The following ADK variants were observed in gnomAD, a reference collection of about 807,000 sequenced individuals.
ADK encodes the protein adenosine kinase, also known as N6,N6-dimethyladenosine kinase.
A neutral mutation model predicts 44.7 loss-of-function variants in ADK; 24 were observed. That is an observed-to-expected ratio of 0.54 (90% CI 0.39 to 0.76). ADK has a LOEUF of 0.76. Among genes scored for constraint, ADK ranks in the 30% least tolerant of loss-of-function variants. ADK has a pLI of 0.00. For synonymous variants in ADK, 128 were observed against 142.6 expected (o/e 0.90, Z 0.73); for missense variants, 321 against 425.1 (o/e 0.76, Z 2.15).
chr10:74,174,084 C>T (rs1229107828), intron 1 of ADK, among the ~76,000 whole-genome samples: 1 of 151,498 alleles, frequency 6.6e-6, no homozygotes, highest in Non-Finnish European at 1.5e-5. Flanking sequence ...GGGCGGATCA[C>T]TTGAGGTCAG....
At chr10:74,246,764 G>A (rs1477122502) in intron 3 of ADK, among the ~76,000 whole-genome samples, 1 of 152,100 alleles carries the variant, frequency 6.6e-6, no homozygotes, top group African/African-American at 2.4e-5. Context: ...TTCTTTTGGA[G>A]CCTAGTGTAG....
chr10:74,424,574 C>G (rs1174161653), intron 6 of ADK, among the ~76,000 whole-genome samples: 1 of 146,494 alleles, frequency 6.8e-6, no homozygotes, highest in South Asian at 2.1e-4. Context: ...AAAAATTCCC[C>G]TGCCTCTCTC....
chr10:74,321,144 A>G (rs984217480), intron 4 of ADK, among the ~76,000 whole-genome samples: 6 of 152,208 alleles, frequency 3.9e-5, no homozygotes, highest in African/African-American at 2.4e-5. Flanking sequence ...TATTTTAAAA[A>G]TGCCATCTTG....
At chr10:74,474,504 T>TCCTTCCCTTC (rs1306075492) in intron 6 of ADK, among the ~76,000 whole-genome samples, 1 of 151,708 alleles carries the variant, frequency 6.6e-6, no homozygotes, top group African/African-American at 2.4e-5. Flanking sequence ...TCCTCTCCTT[T>TCCTTCCCTTC]CCTTCCCTTC....
At chr10:74,349,197 C>G (rs1185845105) in intron 4 of ADK, among the ~76,000 whole-genome samples, 3 of 152,218 alleles carry the variant, frequency 2.0e-5, no homozygotes, top group Non-Finnish European at 2.9e-5. Flanking sequence ...GGAAGCCCAT[C>G]AGACCAATAG....
intron 4 of ADK, among the ~76,000 whole-genome samples, chr10:74,373,986 G>A (rs370387252): frequency 1.1e-3 from 162 of 152,176 alleles, no homozygotes; most frequent in Middle Eastern, 3.4e-3. Context: ...CTACAACATG[G>A]GCAAATTTTG....
intron 6 of ADK, among the ~76,000 whole-genome samples, chr10:74,408,268 C>T (rs1454924714): frequency 1.3e-5 from 2 of 151,826 alleles, no homozygotes; most frequent in Non-Finnish European, 2.9e-5. Context: ...GCTGGTATTA[C>T]AGGCATGAGC....
At chr10:74,424,258 G>T (rs1232234110) in intron 6 of ADK, among the ~76,000 whole-genome samples, 2 of 152,092 alleles carry the variant, frequency 1.3e-5, no homozygotes, top group Non-Finnish European at 2.9e-5. Context: ...ATAAAATATG[G>T]CCGGGCATGG....
chr10:74,423,896 G>A (rs1052291689), intron 6 of ADK: 1 of 225,708 alleles, frequency 4.4e-6, no homozygotes, highest in Non-Finnish European at 9.2e-6. Context: ...ATGCTCTCCT[G>A]GTACTCTTGA....
chr10:74,696,576 T>C (rs1394168837), intron 10 of ADK, among the ~76,000 whole-genome samples: 1 of 151,626 alleles, frequency 6.6e-6, no homozygotes, highest in African/African-American at 2.4e-5. Flanking sequence ...TTCACCATGT[T>C]AGCCAGGATG....
chr10:74,453,675 CTATAG>C (rs1377333642), intron 6 of ADK, among the ~76,000 whole-genome samples: 1 of 151,866 alleles, frequency 6.6e-6, no homozygotes, highest in Non-Finnish European at 1.5e-5. Flanking sequence ...CTATAAAATT[CTATAG>C]TAAAGGATTG....
chr10:74,690,541 C>T (rs1348501020), intron 10 of ADK, among the ~76,000 whole-genome samples: 2 of 152,136 alleles, frequency 1.3e-5, no homozygotes, highest in African/African-American at 4.8e-5. Flanking sequence ...ACGATATGTC[C>T]CCATTTTGTC....
intron 6 of ADK, among the ~76,000 whole-genome samples, chr10:74,406,505 AAATAAT>A (rs150030020): frequency 0.07 from 9,358 of 133,828 alleles, 413 homozygotes; most frequent in East Asian, 0.21. Flanking sequence ...ACTCCGATTA[AAATAAT>A]AATAATAATA....
Position 74,708,774 on chromosome 10 carries a change from A to C in ADK, c.*329A>C. The C allele has an allele frequency of 4.0e-6, 1 of 247,692 alleles. No homozygotes were observed. 15.3% of individuals were successfully genotyped at this position (247,692 alleles called of 1,614,324 possible). A position where few individuals can be genotyped will look rare whatever the true frequency, so the allele number is the denominator to read the frequency against. ...TTAGTACACTGATTTGTTTTTTTAC[A>C]TTTCTGCTTTGAATGCAGATGCAAT... On this transcript the variant is annotated 3_prime_UTR_variant, in exon 11 of 11. Transcript: ENST00000539909.
At chr10:74,285,407 CAT>C (rs1421070883) in intron 3 of ADK, among the ~76,000 whole-genome samples, 1 of 152,148 alleles carries the variant, frequency 6.6e-6, no homozygotes, top group African/African-American at 2.4e-5. Context: ...TTAGGCAACA[CAT>C]ATACTAAAGT....
chr10:74,701,691 T>A (rs914594206), intron 10 of ADK, among the ~76,000 whole-genome samples: 2 of 152,242 alleles, frequency 1.3e-5, no homozygotes, highest in African/African-American at 4.8e-5. Flanking sequence ...ACACCTGTAA[T>A]CCCAGCACTT....
chr10:74,372,347 G>A (rs1401450083), intron 4 of ADK: 6 of 745,692 alleles, frequency 8.0e-6, no homozygotes, highest in African/African-American at 5.1e-5. Context: ...AGCCTGCCAC[G>A]GAAGGCTGGT....
chr10:74,264,835 T>C (rs185387446), intron 3 of ADK, among the ~76,000 whole-genome samples: 116 of 152,334 alleles, frequency 7.6e-4, no homozygotes, highest in Non-Finnish European at 1.5e-3. Context: ...ATTATCTTTG[T>C]ATAATTTTCT....
chr10:74,539,103 G>GA, intron 7 of ADK, among the ~76,000 whole-genome samples: 1 of 151,992 alleles, frequency 6.6e-6, no homozygotes. Context: ...TGTTTGGGAG[G>GA]AAAAAAGAAA....
Sources: gnomAD v4.1 joint callset for allele counts (sites outside exome capture counted in the v4.1 genomes callset) on GRCh38, gnomAD v4.1.1 for gene constraint, MANE v1.5 for transcripts, NCBI Gene and HGNC (gene_info 2026-07-23, HGNC 2026-07-21) for gene names.